The following PPIL2 variants were observed in gnomAD, a reference collection of about 807,000 sequenced individuals.
PPIL2 encodes peptidylprolyl isomerase like 2.
Under a neutral mutation model 75.2 loss-of-function variants are expected in PPIL2, and 50 were observed. That is an observed-to-expected ratio of 0.66 (90% CI 0.53 to 0.84). The LOEUF (loss-of-function observed/expected upper bound fraction) is 0.84. PPIL2 is among the 40% of genes least tolerant of loss of function. PPIL2 has a pLI of 0.00. For synonymous variants in PPIL2, 245 were observed against 258.8 expected (o/e 0.95, Z 0.51); for missense variants, 590 against 685.0 (o/e 0.86, Z 1.55).
chr22:21,695,817 C>T lies in PPIL2; in HGVS notation c.*327C>T. ...CCAGGTTAGTGAGGAAGGACTGTGT[C>T]TCCAGATTGTGGTTTCCTCTTTAAG... On this transcript the variant is annotated 3_prime_UTR_variant, in exon 20 of 20. Coordinates refer to ENST00000398831, the MANE Select transcript of PPIL2 (RefSeq NM_014337.4). 1 of 1,180,764 alleles carries T rather than the reference C, an allele frequency of 8.5e-7. No homozygotes were observed. The highest frequency in any genetic ancestry group is 1.1e-6 in the Non-Finnish European group (1 of 943,794). The allele number at this position is 1,180,764 out of a possible 1,614,324, so 73.1% of individuals were successfully genotyped here. A position where few individuals can be genotyped will look rare whatever the true frequency, so the allele number is the denominator to read the frequency against.
In PPIL2 at chr22:21,686,902, C is replaced by T. The variant is rs1306639766; in HGVS notation, c.801C>T (p.Asp267=). Residue 267 remains aspartate (D), a synonymous_variant, in exon 12 of 20, where the codon GAC becomes GAT. Coordinates refer to ENST00000398831, the MANE Select transcript of PPIL2 (RefSeq NM_014337.4). ...GACCTTGGCTTGTAGCTGCCATCGA[C>T]GAGGATGTGCTGCGCTACCAGTTTG... is the stretch of plus-strand genomic sequence containing the variant. ...PETTHEAAAI[D]EDVLRYQFVK... The T allele has an allele frequency of 2.5e-6, 4 of 1,613,966 alleles. No homozygotes were observed. The highest frequency in any genetic ancestry group is 2.2e-5 in the East Asian group (1 of 44,874).
At chr22:21,678,049 G>A (rs1321243577) in intron 6 of PPIL2, among the ~76,000 whole-genome samples, 2 of 152,160 alleles carry the variant, frequency 1.3e-5, no homozygotes, top group Non-Finnish European at 2.9e-5. Flanking sequence ...GTGTGCTAGC[G>A]GTGGAAGCAG....
At chr22:21,672,667 C>T (rs1158590322) in intron 5 of PPIL2, among the ~76,000 whole-genome samples, 3 of 152,216 alleles carry the variant, frequency 2.0e-5, no homozygotes, top group Non-Finnish European at 4.4e-5. Context: ...TTGATTATAT[C>T]CAAGTCAGGC....
chr22:21,682,886 C>T (rs548420951), intron 8 of PPIL2, among the ~76,000 whole-genome samples: 4 of 152,238 alleles, frequency 2.6e-5, no homozygotes, highest in South Asian at 2.1e-4. Context: ...CGGCTGCCCA[C>T]GTTCCGGTCC....
chr22:21,682,559 C>T (rs1240873897), intron 8 of PPIL2, 33 bp downstream of exon 8: 1 of 1,577,240 alleles, frequency 6.3e-7, no homozygotes, highest in African/African-American at 1.3e-5. Context: ...CCCCAGCTGC[C>T]TTCAGCACCT....
At chr22:21,677,373 C>T (rs1470403374) in intron 6 of PPIL2, among the ~76,000 whole-genome samples, 1 of 152,260 alleles carries the variant, frequency 6.6e-6, no homozygotes, top group South Asian at 2.1e-4. Flanking sequence ...TGTAGCTAGC[C>T]GAGATCACGC....
intron 3 of PPIL2, 72 bp downstream of exon 3, chr22:21,670,683 T>C: frequency 6.8e-7 from 1 of 1,475,208 alleles, no homozygotes. Flanking sequence ...ATCTGCCCCT[T>C]GTGGATGTGG....
At position 21,688,084 on chromosome 22, in the gene PPIL2, C is replaced by T. The variant is rs556504988; in HGVS notation, c.999C>T (p.Gly333=). The T allele has an allele frequency of 5.4e-5, 87 of 1,614,168 alleles. No homozygotes were observed. Among genetic ancestry groups the T allele is most frequent in the South Asian group, 3.6e-4 (33 of 91,082 alleles). Residue 333 remains glycine, a synonymous_variant, in exon 14 of 20, where the codon GGC becomes GGT. Coordinates refer to ENST00000398831, the MANE Select transcript of PPIL2 (RefSeq NM_014337.4). ...TTTTGTTTTCACAGATCCAAGGGGG[C>T]GACCCCACAGGCACAGGCACGGGTA... is the stretch of plus-strand genomic sequence containing the variant. ...RSIRNFVIQG[G]DPTGTGTGGE...
rs139117261 is a variant in PPIL2 at position 21,693,830 on chromosome 22, G to A, written c.1154G>A (p.Arg385His). 18 of 1,544,512 alleles carry A rather than the reference G, an allele frequency of 1.2e-5. No homozygotes were observed. The highest frequency in any genetic ancestry group is 2.7e-5 in the African/African-American group (2 of 73,220). Residue 385 changes from arginine (R) to histidine (H), a missense_variant, in exon 16 of 20, where the codon CGC becomes CAC. Physicochemically the swap from Arg to His is conservative, Grantham distance 29. Transcript: ENST00000398831. ...CTCCTCCCCAGCTTCATCACGTTTC[G>A]CTCCTGTGCCTACCTGGACAAGAAG... ...SNRSQFFITF[R>H]SCAYLDKKHT... is the part of the protein sequence containing the mutation.
intron 6 of PPIL2, among the ~76,000 whole-genome samples, chr22:21,676,315 G>T (rs1450555807): frequency 6.7e-6 from 1 of 148,898 alleles, no homozygotes; most frequent in African/African-American, 2.5e-5. Flanking sequence ...TATTTTGTGT[G>T]TGTGTGTGTG....
At chr22:21,673,981 G>A (rs2066734531) in intron 5 of PPIL2, among the ~76,000 whole-genome samples, 1 of 152,234 alleles carries the variant, frequency 6.6e-6, no homozygotes, top group Non-Finnish European at 1.5e-5. Context: ...AAGGAACGAA[G>A]GTGGTTAGAG....
chr22:21,676,309 T>TTTTTTGTG lies in PPIL2; in HGVS notation c.295+1195_295+1196insTTTTGTGT, dbSNP rs71318714. ...TTCAGCAAATATTTATTTATTTATT[T>TTTTTTGTG]TGTGTGTGTGTGTGTGTGTGTGTGT... On this transcript the variant is annotated intron_variant, in intron 6 of 19. Transcript: ENST00000398831. 1.9e-3 allele frequency among the ~76,000 whole-genome samples: 229 copies of TTTTTTGTG among 123,058 alleles called. 1 individual carries two copies. The highest frequency in any genetic ancestry group is 7.0e-3 in the African/African-American group (220 of 31,502). The allele number at this position is 123,058 out of a possible 152,430, so 80.7% of individuals were successfully genotyped here.
intron 16 of PPIL2, 87 bp downstream of exon 16, chr22:21,693,959 G>A (rs928357814): frequency 1.5e-5 from 21 of 1,357,126 alleles, no homozygotes; most frequent in African/African-American, 1.3e-4. Context: ...TGCCTTTTTC[G>A]TGGACCTGAG....
At chr22:21,684,521 G>A (rs1023612812) in intron 9 of PPIL2, among the ~76,000 whole-genome samples, 2 of 142,670 alleles carry the variant, frequency 1.4e-5, no homozygotes, top group Non-Finnish European at 1.5e-5. Context: ...AGAATATACA[G>A]ATAAATATAA....
chr22:21,678,358 A>G (rs993331484), intron 6 of PPIL2, among the ~76,000 whole-genome samples: 3 of 152,164 alleles, frequency 2.0e-5, no homozygotes, highest in East Asian at 1.9e-4. Flanking sequence ...CAGCCTCCCA[A>G]GTAGCTGGGA....
chr22:21,683,809 G>C (rs1478909657), intron 9 of PPIL2, among the ~76,000 whole-genome samples: 1 of 152,254 alleles, frequency 6.6e-6, no homozygotes. Flanking sequence ...CCAAGGCCCA[G>C]TAGGCAGCAG....
chr22:21,672,930 G>A (rs906218117), intron 5 of PPIL2, among the ~76,000 whole-genome samples: 2 of 152,182 alleles, frequency 1.3e-5, no homozygotes, highest in Admixed American at 6.5e-5. Flanking sequence ...CCTCCCTACC[G>A]GGCCAGCAGG....
At chr22:21,670,184 T>C in intron 2 of PPIL2, 2 of 934,560 alleles carry the variant, frequency 2.1e-6, no homozygotes, top group Non-Finnish European at 3.1e-6. Flanking sequence ...TATTCCCCGA[T>C]GCTGGGAGCT....
At chr22:21,673,009 G>A (rs2066695420) in intron 5 of PPIL2, among the ~76,000 whole-genome samples, 1 of 152,204 alleles carries the variant, frequency 6.6e-6, no homozygotes, top group Non-Finnish European at 1.5e-5. Flanking sequence ...CAGGGTTCTG[G>A]GGACTCTTTG....
Sources: allele counts gnomAD v4.1 joint callset (sites outside exome capture counted in the v4.1 genomes callset), GRCh38; gene constraint gnomAD v4.1.1; transcripts MANE v1.5; gene names NCBI Gene and HGNC (gene_info 2026-07-23, HGNC 2026-07-21).